Variants in CEP83 observed in about 807,000 individuals in gnomAD.
CEP83 encodes the protein centrosomal protein 83.
A neutral mutation model predicts 101.9 loss-of-function variants in CEP83; 70 were observed. The observed-to-expected ratio is 0.69, with a 90% CI of 0.57 to 0.84. The LOEUF (loss-of-function observed/expected upper bound fraction) is 0.84, where lower values mean the gene tolerates loss of function less well. Ranked by LOEUF, CEP83 falls within the 40% of genes least tolerant of loss-of-function variation. The pLI is 0.00. For synonymous variants in CEP83, 264 were observed against 267.9 expected (o/e 0.99, Z 0.14); for missense variants, 715 against 787.2 (o/e 0.91, Z 1.10).
At chr12:94,421,279 G>A (rs746613030) in intron 2 of CEP83, among the ~76,000 whole-genome samples, 1 of 151,712 alleles carries the variant, frequency 6.6e-6, no homozygotes, top group African/African-American at 2.4e-5. Flanking sequence ...GGCTTGGCTT[G>A]AACTCCCACA....
chr12:94,436,337 T>TA (rs1051777554), intron 1 of CEP83, among the ~76,000 whole-genome samples: 12 of 146,656 alleles, frequency 8.2e-5, no homozygotes, highest in African/African-American at 2.5e-4. Flanking sequence ...AAAAAAAAAA[T>TA]AAAAAACAGG....
At chr12:94,275,482 C>G in the CEP83 span, among the ~76,000 whole-genome samples, 1 of 152,132 alleles carries the variant, frequency 6.6e-6, no homozygotes, top group Non-Finnish European at 1.5e-5. Flanking sequence ...AGCAGAGGCC[C>G]GCGTGCACTT....
chr12:94,285,168 G>A, the CEP83 span, among the ~76,000 whole-genome samples: 14 of 152,206 alleles, frequency 9.2e-5, no homozygotes, highest in Non-Finnish European at 2.9e-5. Context: ...AGAGAAGACA[G>A]GAGGAGGAGC....
At chr12:94,441,508 T>A in intron 1 of CEP83, among the ~76,000 whole-genome samples, 1 of 151,856 alleles carries the variant, frequency 6.6e-6, no homozygotes, top group South Asian at 2.1e-4. Flanking sequence ...AATTTAAAAA[T>A]CAAAAAATAA....
chr12:94,319,484 T>C (rs1971269712), intron 14 of CEP83, among the ~76,000 whole-genome samples: 1 of 152,200 alleles, frequency 6.6e-6, no homozygotes, highest in Non-Finnish European at 1.5e-5. Context: ...TGATATCTTT[T>C]TTAACTGTTT....
At position 94,406,807 on chromosome 12, in the gene CEP83, G is replaced by C. The variant is rs147977925; in HGVS notation, c.325-3545C>G. ...CCAGGCGTGGTGGCGGGCACCTATA[G>C]TCCCAGCTACTCAGGAGGCTAAGGC... is the stretch of plus-strand genomic sequence containing the variant. On this transcript the variant is annotated intron_variant, in intron 4 of 16. Coordinates refer to ENST00000397809, the MANE Select transcript of CEP83 (RefSeq NM_016122.3). Among the ~76,000 whole-genome samples the C allele has an allele frequency of 5.4e-4, 82 of 151,658 alleles. 1 individual carries two copies. In the East Asian group the frequency reaches 0.012, roughly 23 times the overall value.
intron 8 of CEP83, among the ~76,000 whole-genome samples, chr12:94,370,873 C>A (rs192534682): frequency 1.3e-5 from 2 of 151,910 alleles, no homozygotes; most frequent in African/African-American, 4.8e-5. Flanking sequence ...TTAGTCCCAG[C>A]CACTGGGGAG....
intron 14 of CEP83, among the ~76,000 whole-genome samples, chr12:94,331,289 GAAAAAAAAAAAAA>G (rs568464808): frequency 8.4e-4 from 37 of 43,804 alleles, no homozygotes; most frequent in African/African-American, 4.4e-3. Flanking sequence ...CAGACTCTCA[GAAAAAAAAAAAAA>G]AAAAAAAAAA....
At chr12:94,338,951 T>C (rs1229459502) in intron 11 of CEP83, among the ~76,000 whole-genome samples, 3 of 151,912 alleles carry the variant, frequency 2.0e-5, no homozygotes, top group South Asian at 2.1e-4. Context: ...TACTGATATA[T>C]ACTATTTCTT....
At position 94,378,985 on chromosome 12, in the gene CEP83, G is replaced by A. The variant is rs1474228719; in HGVS notation, c.607C>T (p.Leu203Phe). 2 of 1,613,528 alleles carry A rather than the reference G, an allele frequency of 1.2e-6. No individual in the cohort carries two copies. The highest frequency in any genetic ancestry group is 1.7e-5 in the Admixed American group (1 of 59,966). ...ELRNQLLNVD[L>F]TKDSKRVEQL... ...TCCACTCGTTTGCTGTCTTTTGTGAGATCAACATTAAGCAGCTGGTTACGT... is the reference window on the plus strand; with the variant it reads ...TCCACTCGTTTGCTGTCTTTTGTGAAATCAACATTAAGCAGCTGGTTACGT... Residue 203 changes from leucine to phenylalanine, a missense_variant, in exon 7 of 17, where the codon CTC (leucine) becomes TTC (phenylalanine). Leu to Phe is a conservative substitution (Grantham distance 22). Coordinates refer to ENST00000397809, the MANE Select transcript of CEP83 (RefSeq NM_016122.3).
At chr12:94,352,560 C>T (rs1272351206) in intron 11 of CEP83, among the ~76,000 whole-genome samples, 4 of 151,100 alleles carry the variant, frequency 2.6e-5, no homozygotes, top group African/African-American at 9.7e-5. Flanking sequence ...GTTAAGGAAA[C>T]TTGGAAAGAT....
At chr12:94,305,014 G>C (rs2136241465), downstream of CEP83, among the ~76,000 whole-genome samples, 1 of 152,308 alleles carries the variant, frequency 6.6e-6, no homozygotes, top group East Asian at 1.9e-4. Context: ...TTGATCCTGT[G>C]ATAAGGACTT....
chr12:94,422,417 T>C (rs1041752182), intron 2 of CEP83, among the ~76,000 whole-genome samples: 1 of 152,238 alleles, frequency 6.6e-6, no homozygotes, highest in Non-Finnish European at 1.5e-5. Context: ...CAACAGCAAC[T>C]GTAACACAAA....
At chr12:94,455,135 C>T (rs2067569577) in intron 1 of CEP83, among the ~76,000 whole-genome samples, 3 of 152,224 alleles carry the variant, frequency 2.0e-5, no homozygotes, top group African/African-American at 7.2e-5. Context: ...ATTCCGGACA[C>T]ATTATCATGC....
chr12:94,420,183 G>A (rs2064610370), intron 2 of CEP83, among the ~76,000 whole-genome samples: 2 of 152,164 alleles, frequency 1.3e-5, no homozygotes, highest in East Asian at 1.9e-4. Flanking sequence ...AGGTTGTAGT[G>A]TAAACTGGCA....
intron 11 of CEP83, among the ~76,000 whole-genome samples, chr12:94,339,533 T>C (rs1211393484): frequency 6.6e-6 from 1 of 152,260 alleles, no homozygotes; most frequent in Non-Finnish European, 1.5e-5. Context: ...AACAGTCATC[T>C]GTGACTAGTA....
the CEP83 span, chr12:94,277,910 G>T: frequency 4.4e-6 from 2 of 455,808 alleles, no homozygotes; most frequent in Non-Finnish European, 8.8e-6. Flanking sequence ...GTTGAGGTAG[G>T]CCTGAGGGTT....
At chr12:94,384,945 T>C (rs746829208) in intron 6 of CEP83, among the ~76,000 whole-genome samples, 1 of 152,216 alleles carries the variant, frequency 6.6e-6, no homozygotes. Context: ...GTTCGTGGTG[T>C]GACAAGCAAT....
intron 1 of CEP83, among the ~76,000 whole-genome samples, chr12:94,454,491 G>C (rs1458828570): frequency 6.6e-6 from 1 of 152,080 alleles, no homozygotes; most frequent in Non-Finnish European, 1.5e-5. Context: ...TGTAAAAACG[G>C]ACCAATCAGC....
Sources: allele counts gnomAD v4.1 joint callset (sites outside exome capture counted in the v4.1 genomes callset), GRCh38; gene constraint gnomAD v4.1.1; transcripts MANE v1.5; gene names NCBI Gene and HGNC (gene_info 2026-07-23, HGNC 2026-07-21).